The following GRB10 variants were observed in gnomAD, a reference collection of about 807,000 sequenced individuals.
GRB10 encodes the protein growth factor receptor bound protein 10.
A neutral mutation model predicts 80.9 loss-of-function variants in GRB10; 20 were observed. That is an observed-to-expected ratio of 0.25 (90% CI 0.17 to 0.36). GRB10 has a LOEUF of 0.36. Ranked by LOEUF, GRB10 falls within the 10% of genes least tolerant of loss-of-function variation. The probability of loss-of-function intolerance (pLI) is 1.00; values close to 1 mark genes in which losing one functional copy is unlikely to be tolerated. For missense variants in GRB10, 548 were observed against 747.7 expected, an observed-to-expected ratio of 0.73 and a Z score of 3.12; for synonymous variants, 291 against 291.5, an observed-to-expected ratio of 1.00 and a Z score of 0.02.
intron 10 of GRB10, among the ~76,000 whole-genome samples, chr7:50,617,302 G>A (rs918742933): frequency 1.1e-4 from 16 of 152,170 alleles, no homozygotes; most frequent in African/African-American, 3.9e-4. Flanking sequence ...AAGGGCTTAT[G>A]AGGAGAATTC....
rs368874491 is a variant in GRB10, at chr7:50,669,736, C to A, written c.490G>T (p.Ala164Ser). The A allele has an allele frequency of 1.9e-6, 3 of 1,613,198 alleles. No individual in the cohort carries two copies. Among genetic ancestry groups the A allele is most frequent in the Non-Finnish European group, 1.7e-6 (2 of 1,180,002 alleles). The change falls in exon 7 of 19, where the codon GCC becomes TCC. Residue 164 changes from alanine to serine, a missense_variant. Coordinates refer to ENST00000401949, the MANE Select transcript of GRB10 (RefSeq NM_001350814.2). ...GGCACACTCACCTGCTTTGCGGCGGCCTGGCTCGGAGGTAAAGAACCCGGC... is the reference window on the plus strand; with the variant it reads ...GGCACACTCACCTGCTTTGCGGCGGACTGGCTCGGAGGTAAAGAACCCGGC... Reference protein sequence around the residue: ...LTPGSLPPSQAAAKQDVKVFS... With the variant: ...LTPGSLPPSQSAAKQDVKVFS...
At chr7:50,692,933 T>A (rs778826337) in intron 5 of GRB10, among the ~76,000 whole-genome samples, 1 of 152,190 alleles carries the variant, frequency 6.6e-6, no homozygotes, top group African/African-American at 2.4e-5. Context: ...GGGCAAGTTA[T>A]CAAACCTCTC....
chr7:50,627,423 C>G (rs1191840333), intron 7 of GRB10, among the ~76,000 whole-genome samples: 1 of 152,208 alleles, frequency 6.6e-6, no homozygotes, highest in African/African-American at 2.4e-5. Context: ...ACGAGTCGAC[C>G]TGTTCTCCCA....
At chr7:50,698,480 T>C (rs1484599847) in intron 5 of GRB10, among the ~76,000 whole-genome samples, 3 of 152,270 alleles carry the variant, frequency 2.0e-5, no homozygotes, top group African/African-American at 7.2e-5. Context: ...AATTATTTAA[T>C]TGGCCTGAAA....
chr7:50,725,298 T>A (rs1362199049), intron 4 of GRB10, among the ~76,000 whole-genome samples: 2 of 152,216 alleles, frequency 1.3e-5, no homozygotes, highest in East Asian at 3.8e-4. Context: ...TCCAGCCACG[T>A]AAGACTTGCC....
intron 7 of GRB10, among the ~76,000 whole-genome samples, chr7:50,662,562 G>C (rs567910719): frequency 2.6e-5 from 4 of 152,172 alleles, no homozygotes; most frequent in Non-Finnish European, 5.9e-5. Context: ...GGAGGGGCAG[G>C]AAGAAGACTA....
intron 17 of GRB10, 72 bp from the exon 18 acceptor site, chr7:50,595,602 T>TTTACACACACACAC: frequency 3.6e-6 from 2 of 560,268 alleles, no homozygotes; most frequent in East Asian, 7.8e-5. Flanking sequence ...CACACTCTCT[T>TTTACACACACACAC]ACACACACAC....
chr7:50,769,316 A>T (rs2076722822), intron 2 of GRB10, among the ~76,000 whole-genome samples: 1 of 152,180 alleles, frequency 6.6e-6, no homozygotes, highest in East Asian at 1.9e-4. Flanking sequence ...TTGTGATGCT[A>T]AGTAGTCAGG....
chr7:50,785,014 G>A (rs2153715197), upstream of GRB10, among the ~76,000 whole-genome samples: 1 of 152,354 alleles, frequency 6.6e-6, no homozygotes, highest in South Asian at 2.1e-4. Context: ...TCTGGACCAG[G>A]ATCAGCAGAC....
At chr7:50,783,549 C>A (rs2078536045), upstream of GRB10, among the ~76,000 whole-genome samples, 1 of 151,252 alleles carries the variant, frequency 6.6e-6, no homozygotes, top group South Asian at 2.1e-4. Context: ...CATACTCCCC[C>A]ACCCCCGCAC....
intron 7 of GRB10, among the ~76,000 whole-genome samples, chr7:50,654,833 AAAC>A (rs1245994947): frequency 6.6e-6 from 1 of 152,196 alleles, no homozygotes; most frequent in Non-Finnish European, 1.5e-5. Context: ...TATTTCCTAC[AAAC>A]AAGAACACTC....
intron 3 of GRB10, among the ~76,000 whole-genome samples, chr7:50,740,659 T>C (rs2071548059): frequency 1.3e-5 from 2 of 148,236 alleles, no homozygotes; most frequent in African/African-American, 4.9e-5. Context: ...TTCTAAGCCA[T>C]AATAAAAACA....
chr7:50,742,293 A>G (rs1268276128), intron 3 of GRB10, among the ~76,000 whole-genome samples: 4 of 144,796 alleles, frequency 2.8e-5, no homozygotes, highest in African/African-American at 5.7e-5. Flanking sequence ...ACACACACAC[A>G]CACACACACA....
intron 8 of GRB10, among the ~76,000 whole-genome samples, chr7:50,624,396 TGAGA>T (rs2052487208): frequency 6.6e-6 from 1 of 152,242 alleles, no homozygotes; most frequent in Non-Finnish European, 1.5e-5. Context: ...ACAGGCTCTC[TGAGA>T]GGCACCCTGC....
intron 17 of GRB10, among the ~76,000 whole-genome samples, chr7:50,599,540 T>C (rs924955282): frequency 6.6e-6 from 1 of 152,296 alleles, no homozygotes; most frequent in Admixed American, 6.5e-5. Context: ...TGCATTTCTG[T>C]GTGTGGTTAG....
Position 50,614,953 on chromosome 7 carries a change from G to C in GRB10, c.985-73C>G, listed in dbSNP as rs964486232. 3.8e-5 allele frequency: 35 copies of C among 929,998 alleles called. No homozygotes were observed. The African/African-American group carries it at 4.7e-4, about 12-fold the overall frequency. The allele number at this position is 929,998 out of a possible 1,614,324, so 57.6% of individuals were successfully genotyped here. A position where few individuals can be genotyped will look rare whatever the true frequency, so the allele number is the denominator to read the frequency against. On this transcript the variant is annotated intron_variant, in intron 11 of 18. Transcript: ENST00000401949. Reference sequence around the variant, plus strand: ...AATGTGTTCACCTCTGGTAGACAGAGGGCAGTCTCTGCACACTTACAAGCA... The same window carrying C: ...AATGTGTTCACCTCTGGTAGACAGACGGCAGTCTCTGCACACTTACAAGCA...
intron 2 of GRB10, among the ~76,000 whole-genome samples, chr7:50,760,602 T>C (rs1335596904): frequency 1.3e-5 from 2 of 152,204 alleles, no homozygotes; most frequent in Non-Finnish European, 2.9e-5. Context: ...GGAGAATTAC[T>C]CATCATCTAG....
upstream of GRB10, among the ~76,000 whole-genome samples, chr7:50,787,368 A>G (rs1345482286): frequency 2.6e-5 from 4 of 152,228 alleles, no homozygotes; most frequent in South Asian, 2.1e-4. Flanking sequence ...AAATCTGCTG[A>G]TAAGTTACTT....
chr7:50,683,955 C>G (rs151138774), intron 5 of GRB10, among the ~76,000 whole-genome samples: 5 of 152,240 alleles, frequency 3.3e-5, no homozygotes, highest in African/African-American at 1.2e-4. Context: ...AACATAGATT[C>G]CTCTTCCTAG....
Sources: allele counts gnomAD v4.1 joint callset (sites outside exome capture counted in the v4.1 genomes callset), GRCh38; gene constraint gnomAD v4.1.1; transcripts MANE v1.5; gene names NCBI Gene and HGNC (gene_info 2026-07-23, HGNC 2026-07-21).